RORB: variants seen among roughly 807,000 people sequenced by gnomAD.
The protein encoded by RORB is RAR related orphan receptor B, also known as nuclear receptor ROR-beta.
In RORB, 6 loss-of-function variants were observed where a neutral mutation model predicts 59.1. That is an observed-to-expected ratio of 0.10 (90% CI 0.06 to 0.20). The LOEUF is 0.20. Among genes scored for constraint, RORB ranks in the 10% least tolerant of loss-of-function variants. RORB has a pLI of 1.00. For missense variants in RORB, 320 were observed against 560.5 expected (o/e 0.57, Z 4.33); for synonymous variants, 215 against 204.5 (o/e 1.05, Z -0.44).
intron 1 of RORB, among the ~76,000 whole-genome samples, chr9:74,594,515 T>C (rs916412870): frequency 6.6e-6 from 1 of 152,234 alleles, no homozygotes. Flanking sequence ...TATATGTTGA[T>C]GTAGTATACT....
At chr9:74,664,140 T>G (rs546734918) in intron 6 of RORB, among the ~76,000 whole-genome samples, 1 of 152,194 alleles carries the variant, frequency 6.6e-6, no homozygotes, top group Non-Finnish European at 1.5e-5. Context: ...ACTCTCTAGA[T>G]AGCAGTTTCC....
At chr9:74,683,735 C>A (rs982397215) in intron 9 of RORB, among the ~76,000 whole-genome samples, 6 of 152,192 alleles carry the variant, frequency 3.9e-5, no homozygotes, top group Non-Finnish European at 7.3e-5. Context: ...GTCAGGGCAT[C>A]TTCTTACCTC....
In RORB at chr9:74,667,787, A is replaced by G. The variant is rs752498087; in HGVS notation, c.1001-4A>G. 3.8e-6 allele frequency: 6 copies of G among 1,582,044 alleles called. No individual in the cohort carries two copies. In the African/African-American group the frequency reaches 4.0e-5, roughly 11 times the overall value. On this transcript the variant is annotated splice_region_variant and splice_polypyrimidine_tract_variant and intron_variant, in intron 7 of 9. Transcript: ENST00000376896. ...TTTATTCCATTTTTCTTCTTCCTTTATAGGTTCTGATGACCTAGTGAATGA... is the reference window on the plus strand; with the variant it reads ...TTTATTCCATTTTTCTTCTTCCTTTGTAGGTTCTGATGACCTAGTGAATGA...
chr9:74,562,906 CT>C (rs1307728204), intron 1 of RORB, among the ~76,000 whole-genome samples: 1 of 152,168 alleles, frequency 6.6e-6, no homozygotes, highest in Admixed American at 6.5e-5. Context: ...CTTTCTCCCT[CT>C]CCCCCATCTA....
chr9:74,554,026 C>T (rs1360296384), intron 1 of RORB, among the ~76,000 whole-genome samples: 2 of 152,098 alleles, frequency 1.3e-5, no homozygotes, highest in Non-Finnish European at 1.5e-5. Flanking sequence ...TTGGAGATCG[C>T]GAATTCTCAG....
intron 1 of RORB, among the ~76,000 whole-genome samples, chr9:74,573,252 A>G (rs1361794604): frequency 6.6e-6 from 1 of 152,078 alleles, no homozygotes; most frequent in Non-Finnish European, 1.5e-5. Context: ...CATGATCTGT[A>G]GCTGTTTTGA....
chr9:74,614,615 G>T (rs1033543069), intron 1 of RORB, among the ~76,000 whole-genome samples: 1 of 151,880 alleles, frequency 6.6e-6, no homozygotes, highest in East Asian at 1.9e-4. Flanking sequence ...AATAAGAAAA[G>T]GTTTGTGATA....
At chr9:74,613,241 G>A (rs1823260318) in intron 1 of RORB, among the ~76,000 whole-genome samples, 1 of 152,156 alleles carries the variant, frequency 6.6e-6, no homozygotes, top group African/African-American at 2.4e-5. Context: ...CTTAATGAGT[G>A]TTACAATCTG....
At chr9:74,627,017 C>G (rs1587392308) in intron 1 of RORB, among the ~76,000 whole-genome samples, 1 of 152,054 alleles carries the variant, frequency 6.6e-6, no homozygotes, top group African/African-American at 2.4e-5. Flanking sequence ...CAAAAATTAG[C>G]TGGGCATGGT....
chr9:74,504,560 G>A (rs928912709), intron 1 of RORB, among the ~76,000 whole-genome samples: 18 of 151,976 alleles, frequency 1.2e-4, no homozygotes, highest in Non-Finnish European at 2.1e-4. Context: ...TTTATTAACT[G>A]GCTGGGTATG....
intron 1 of RORB, among the ~76,000 whole-genome samples, chr9:74,562,938 CAT>C (rs1434641842): frequency 6.6e-6 from 1 of 152,086 alleles, no homozygotes; most frequent in Non-Finnish European, 1.5e-5. Flanking sequence ...TAAGTGGAAA[CAT>C]GTTCTTTTAC....
Position 74,642,805 on chromosome 9 carries a change from G to A in RORB, c.627G>A (p.Met209Ile). Residue 209 changes from methionine (M) to isoleucine (I), a missense_variant, in exon 4 of 10, where the codon ATG becomes ATA. This residue lies in a region of RORB where 134 missense variants were observed against 156.2 expected (regional missense o/e 0.86). Transcript: ENST00000376896. ...GGCAGTTAGCACCAGGGATAACCAT[G>A]ACTGAAATCGGTAAGTGGAAGTCTC... ...NNGQLAPGIT[M>I]TEIDRIAQNI... The A allele has an allele frequency of 6.3e-7, 1 of 1,586,780 alleles. No homozygotes were observed. Among genetic ancestry groups the A allele is most frequent in the South Asian group, 1.1e-5 (1 of 88,208 alleles).
chr9:74,640,310 G>C (rs555343883), intron 3 of RORB, among the ~76,000 whole-genome samples: 1 of 151,924 alleles, frequency 6.6e-6, no homozygotes, highest in East Asian at 1.9e-4. Context: ...GCTCAGTCTC[G>C]GCTCACTGCA....
intron 1 of RORB, among the ~76,000 whole-genome samples, chr9:74,541,677 T>C (rs938909348): frequency 1.8e-4 from 27 of 152,186 alleles, no homozygotes; most frequent in African/African-American, 5.8e-4. Context: ...ATACAAATAT[T>C]TGGGTAGAAA....
chr9:74,500,423 G>T (rs1825790604), intron 1 of RORB, among the ~76,000 whole-genome samples: 1 of 152,174 alleles, frequency 6.6e-6, no homozygotes, highest in African/African-American at 2.4e-5. Flanking sequence ...GAGTGAACTT[G>T]AGAAGTGAAA....
chr9:74,628,280 T>G (rs1823555166), intron 1 of RORB, among the ~76,000 whole-genome samples: 1 of 152,240 alleles, frequency 6.6e-6, no homozygotes, highest in African/African-American at 2.4e-5. Flanking sequence ...CATAAGTATT[T>G]TAGAGGTGAC....
intron 1 of RORB, among the ~76,000 whole-genome samples, chr9:74,572,221 T>G (rs140346536): frequency 8.6e-4 from 131 of 152,272 alleles, no homozygotes; most frequent in African/African-American, 3.1e-3. Context: ...TAGATAACAT[T>G]TATTAATATA....
chr9:74,680,990 T>G (rs758774197), intron 9 of RORB, among the ~76,000 whole-genome samples: 1 of 152,144 alleles, frequency 6.6e-6, no homozygotes, highest in Non-Finnish European at 1.5e-5. Flanking sequence ...TTTTTCTTCT[T>G]GTAGACCCCT....
chr9:74,516,862 A>G (rs1321188561), intron 1 of RORB, among the ~76,000 whole-genome samples: 3 of 151,990 alleles, frequency 2.0e-5, no homozygotes, highest in Non-Finnish European at 4.4e-5. Context: ...TATAGACACA[A>G]CATTTACCAA....
Sources: allele counts gnomAD v4.1 joint callset (sites outside exome capture counted in the v4.1 genomes callset), GRCh38; gene constraint gnomAD v4.1.1; regional missense constraint gnomAD v4.1.1; transcripts MANE v1.5; gene names NCBI Gene and HGNC (gene_info 2026-07-23, HGNC 2026-07-21).